Variants in EMSY observed in about 807,000 individuals in gnomAD.
EMSY encodes the protein EMSY transcriptional repressor, BRCA2 interacting, also known as BRCA2-interacting transcriptional repressor EMSY.
Under a neutral mutation model 134.6 loss-of-function variants are expected in EMSY, and 26 were observed. The ratio of observed to expected loss-of-function variants is 0.19; its 90% CI spans 0.14 to 0.27. The LOEUF (loss-of-function observed/expected upper bound fraction) is 0.27, where lower values mean the gene tolerates loss of function less well. Among genes scored for constraint, EMSY ranks in the 10% least tolerant of loss-of-function variants. The pLI is 1.00. For synonymous variants in EMSY, 579 were observed against 577.8 expected, an observed-to-expected ratio of 1.00 and a Z score of -0.03; for missense variants, 1,305 against 1,611.4, an observed-to-expected ratio of 0.81 and a Z score of 3.26.
intron 12 of EMSY, among the ~76,000 whole-genome samples, chr11:76,525,549 A>T (rs1170097058): frequency 6.6e-6 from 1 of 152,206 alleles, no homozygotes; most frequent in Non-Finnish European, 1.5e-5. Context: ...TTTTAATTTT[A>T]AAAATTTTAA....
chr11:76,483,102 A>G (rs1454695093), intron 8 of EMSY, among the ~76,000 whole-genome samples: 1 of 152,230 alleles, frequency 6.6e-6, no homozygotes, highest in Non-Finnish European at 1.5e-5. Context: ...AAAATTGAAC[A>G]TTCTTAAAGA....
chr11:76,496,489 A>C lies in EMSY; in HGVS notation c.1363+20A>C, dbSNP rs756620919. 6 of 1,612,076 alleles carry C rather than the reference A, an allele frequency of 3.7e-6. No homozygotes were observed. The East Asian group carries it at 1.1e-4, about 30-fold the overall frequency. ...AGTCAGGTAACTGGAAAATGTTTAT[A>C]AGATATGGTAATTCTTCTTTATTCA... On this transcript the variant is annotated intron_variant, in intron 9 of 20. Transcript: ENST00000334736.
rs533347521 is a variant in EMSY, at chr11:76,497,927, C to T, written c.1363+1458C>T. On this transcript the variant is annotated intron_variant, in intron 9 of 20. Transcript: ENST00000334736. ...TTAGATTATTGATTCAAGACATACT[C>T]TCTTTTCTAATTACTTAGCATTTAG... Among the ~76,000 whole-genome samples the T allele has an allele frequency of 4.6e-5, 7 of 152,212 alleles. No homozygotes were observed. In the South Asian group the frequency reaches 1.5e-3, roughly 32 times the overall value.
At chr11:76,538,016 T>TTG in intron 16 of EMSY, 66 bp downstream of exon 17, 1 of 1,355,596 alleles carries the variant, frequency 7.4e-7, no homozygotes, top group Middle Eastern at 1.9e-4. Context: ...CATGGGATGA[T>TTG]TGTGTGGGGG....
Position 76,459,929 on chromosome 11 carries a change from T to C in EMSY, c.422-7T>C, listed in dbSNP as rs1235473979. On this transcript the variant is annotated splice_polypyrimidine_tract_variant and splice_region_variant and intron_variant, in intron 5 of 20. Coordinates refer to ENST00000334736, the Ensembl canonical transcript of EMSY. ...AACAGCAAACTTTTTTATCGTTCCT[T>C]CAGTAGTGGTTTGCTATTCCTACAC... 2 of 1,613,652 alleles carry C rather than the reference T, an allele frequency of 1.2e-6. No individual in the cohort carries two copies. The highest frequency in any genetic ancestry group is 4.5e-5 in the East Asian group (2 of 44,876).
At chr11:76,472,682 A>C in exon 8 of EMSY, 1 of 1,614,216 alleles carries the variant, frequency 6.2e-7, no homozygotes. Context: ...TCTACAACCC[A>C]GAAGCCACCA....
chr11:76,524,145 C>T (rs1950759533), intron 12 of EMSY, among the ~76,000 whole-genome samples: 1 of 152,096 alleles, frequency 6.6e-6, no homozygotes, highest in Admixed American at 6.6e-5. Flanking sequence ...CTTTGTTTCT[C>T]CATATTGTAG....
Position 76,544,171 on chromosome 11 carries a change from T to A in EMSY, c.2710-88T>A, listed in dbSNP as rs111594599. 2.0e-4 allele frequency: 273 copies of A among 1,334,036 alleles called. 2 individuals carry two copies. The African/African-American group carries it at 3.4e-3, about 17-fold the overall frequency. The allele number at this position is 1,334,036 out of a possible 1,614,324, so 82.6% of individuals were successfully genotyped here. On this transcript the variant is annotated intron_variant, in intron 18 of 20. Transcript: ENST00000334736. The stretch of plus-strand genomic sequence containing the variant: ...GTTCTTCTGAAAATTTTTGAGTGAA[T>A]CTCGTAAGTCTTTTTCAGTTAAGAG...
downstream of EMSY, chr11:76,552,860 A>G (rs1038877362): frequency 2.6e-5 from 4 of 152,204 alleles, no homozygotes; most frequent in Admixed American, 6.5e-5. Context: ...TGGATGTGCC[A>G]TAAGAAATGT....
intron 9 of EMSY, 123 bp from the exon 11 acceptor site, chr11:76,513,263 T>TA (rs1181781592): frequency 6.9e-5 from 52 of 753,376 alleles, no homozygotes; most frequent in South Asian, 1.7e-4. Context: ...TCATCAGTAT[T>TA]AAAAAAAACT....
At chr11:76,523,371 T>A in intron 12 of EMSY, 80 bp downstream of exon 13, 2 of 1,480,380 alleles carry the variant, frequency 1.4e-6, no homozygotes, top group Non-Finnish European at 1.8e-6. Flanking sequence ...GCACAAGGAC[T>A]TGAGAAGCCC....
At chr11:76,519,511 G>A (rs1950571760) in intron 11 of EMSY, among the ~76,000 whole-genome samples, 1 of 152,114 alleles carries the variant, frequency 6.6e-6, no homozygotes, top group Non-Finnish European at 1.5e-5. Flanking sequence ...TTGATTCTAA[G>A]GACGTTATGA....
chr11:76,454,166 G>C (rs1247608564), intron 4 of EMSY, among the ~76,000 whole-genome samples: 1 of 152,056 alleles, frequency 6.6e-6, no homozygotes, highest in Non-Finnish European at 1.5e-5. Flanking sequence ...TAAAACTAAA[G>C]GGAAAAATTC....
At chr11:76,478,841 C>G (rs559823712) in intron 8 of EMSY, among the ~76,000 whole-genome samples, 5 of 149,038 alleles carry the variant, frequency 3.4e-5, no homozygotes, top group Admixed American at 1.3e-4. Context: ...TTAAATTATT[C>G]CCTTATTGTT....
chr11:76,509,694 T>TA (rs1491577971), intron 9 of EMSY, among the ~76,000 whole-genome samples: 1 of 152,168 alleles, frequency 6.6e-6, no homozygotes, highest in East Asian at 1.9e-4. Context: ...GTGCATGTGT[T>TA]ATGTTTTACA....
At chr11:76,476,468 A>T (rs962308730) in intron 8 of EMSY, among the ~76,000 whole-genome samples, 2 of 152,210 alleles carry the variant, frequency 1.3e-5, no homozygotes, top group African/African-American at 4.8e-5. Context: ...TACAATTCAT[A>T]TGGGAAAAGC....
intron 17 of EMSY, among the ~76,000 whole-genome samples, chr11:76,539,941 C>T (rs147329591): frequency 9.8e-5 from 15 of 152,324 alleles, no homozygotes; most frequent in African/African-American, 3.6e-4. Flanking sequence ...CCTTCCTCCA[C>T]AATCTCCACC....
intron 7 of EMSY, among the ~76,000 whole-genome samples, chr11:76,466,789 G>A (rs117604606): frequency 5.9e-5 from 9 of 152,274 alleles, no homozygotes; most frequent in Non-Finnish European, 8.8e-5. Flanking sequence ...AGAGTCCTGG[G>A]TTAGAACCCT....
chr11:76,514,292 A>G (rs913303750), intron 10 of EMSY, among the ~76,000 whole-genome samples: 2 of 152,204 alleles, frequency 1.3e-5, no homozygotes, highest in African/African-American at 4.8e-5. Flanking sequence ...TATTAATATT[A>G]TAATTAGCCA....
Sources: gnomAD v4.1 joint callset for allele counts (sites outside exome capture counted in the v4.1 genomes callset) on GRCh38, gnomAD v4.1.1 for gene constraint, MANE v1.5 for transcripts, NCBI Gene and HGNC (gene_info 2026-07-23, HGNC 2026-07-21) for gene names.